The following PSIP1 variants were observed in gnomAD, a reference collection of about 807,000 sequenced individuals.
PSIP1 encodes PC4 and SRSF1 interacting protein 1.
In PSIP1, 19 loss-of-function variants were observed where a neutral mutation model predicts 74.7. That is an observed-to-expected ratio of 0.25 (90% CI 0.18 to 0.37). The LOEUF is 0.37. Among genes scored for constraint, PSIP1 ranks in the 10% least tolerant of loss-of-function variants. PSIP1 has a pLI of 1.00. For synonymous variants in PSIP1, 222 were observed against 195.3 expected (o/e 1.14, Z -1.14); for missense variants, 601 against 614.3 (o/e 0.98, Z 0.23).
chr9:15,465,563 C>G lies in PSIP1; in HGVS notation c.1550G>C (p.Arg517Thr). The change falls in exon 16 of 16, where the codon AGA becomes ACA. Residue 517 changes from arginine (R) to threonine (T), a missense_variant. Physicochemically the swap from Arg to Thr is moderately conservative, Grantham distance 71. This residue lies in a region of PSIP1 where 538 missense variants were observed against 507.6 expected (regional missense o/e 1.06). Coordinates refer to ENST00000380733, the MANE Select transcript of PSIP1 (RefSeq NM_033222.5). ...STKKKPSSEE[R>T]ETEISLKDST... ...ATCCTTCAGAGATATTTCAGTCTCT[C>G]TCTCTTCACTGGATGGCCTGAAGAA... 1 of 1,585,718 alleles carries G rather than the reference C, an allele frequency of 6.3e-7. No individual in the cohort carries two copies. The highest frequency in any genetic ancestry group is 8.6e-7 in the Non-Finnish European group (1 of 1,157,576).
intron 8 of PSIP1, among the ~76,000 whole-genome samples, chr9:15,478,053 C>T (rs529819549): frequency 1.8e-4 from 27 of 150,462 alleles, no homozygotes; most frequent in Non-Finnish European, 3.0e-4. Flanking sequence ...CTCCTTGAGC[C>T]CAGGAGTTTG....
At chr9:15,498,200 G>A (rs1344173356) in intron 3 of PSIP1, among the ~76,000 whole-genome samples, 2 of 152,154 alleles carry the variant, frequency 1.3e-5, no homozygotes, top group Non-Finnish European at 2.9e-5. Flanking sequence ...CGTGTCACCT[G>A]AGGTCAGGAG....
chr9:15,503,487 T>C (rs2037439813), intron 3 of PSIP1, among the ~76,000 whole-genome samples: 1 of 151,894 alleles, frequency 6.6e-6, no homozygotes, highest in African/African-American at 2.4e-5. Flanking sequence ...CAAGACCCCA[T>C]CTCTAAAAAA....
intron 12 of PSIP1, 79 bp downstream of exon 12, chr9:15,469,187 A>G (rs1395701270): frequency 2.3e-6 from 3 of 1,312,342 alleles, no homozygotes; most frequent in East Asian, 2.3e-5. Flanking sequence ...AAATTTACAT[A>G]CTCATAAGAT....
At position 15,501,608 on chromosome 9, in the gene PSIP1, G is replaced by A. The variant is rs372964336; in HGVS notation, c.149+4953C>T. On this transcript the variant is annotated intron_variant, in intron 3 of 15. Transcript: ENST00000380733. ...TGGAGAGGTAAGCATGGGCTAGTTC[G>A]TATAGGTTTTTATAAATATCATTTG... 2.4e-4 allele frequency among the ~76,000 whole-genome samples: 37 copies of A among 152,054 alleles called. No homozygotes were observed. The East Asian group carries it at 3.7e-3, about 15-fold the overall frequency.
chr9:15,476,376 T>G (rs2036078925), intron 8 of PSIP1, among the ~76,000 whole-genome samples: 1 of 152,044 alleles, frequency 6.6e-6, no homozygotes, highest in Non-Finnish European at 1.5e-5. Context: ...GCAGCAGAAA[T>G]AAGAAAATAT....
At chr9:15,484,416 T>A (rs1264129902) in intron 6 of PSIP1, among the ~76,000 whole-genome samples, 1 of 152,026 alleles carries the variant, frequency 6.6e-6, no homozygotes, top group African/African-American at 2.4e-5. Flanking sequence ...CTGGCCAACA[T>A]GGTGAGACCC....
At chr9:15,474,553 CAA>C (rs1052918125) in intron 8 of PSIP1, among the ~76,000 whole-genome samples, 6 of 152,114 alleles carry the variant, frequency 3.9e-5, no homozygotes, top group Non-Finnish European at 7.4e-5. Context: ...TTTTAGAACT[CAA>C]ATATTCTTTG....
At chr9:15,507,558 A>T (rs1469808657) in intron 2 of PSIP1, among the ~76,000 whole-genome samples, 1 of 152,150 alleles carries the variant, frequency 6.6e-6, no homozygotes. Flanking sequence ...GAATCACTTG[A>T]ACCTGGGCAA....
intron 3 of PSIP1, chr9:15,505,860 TCTC>T (rs1224801150): frequency 6.6e-6 from 1 of 152,214 alleles, no homozygotes; most frequent in East Asian, 1.9e-4. Flanking sequence ...TAGTTTTGTT[TCTC>T]CTCATCCCAG....
At chr9:15,472,460 G>C (rs2035880060) in intron 10 of PSIP1, 172 bp downstream of exon 10, 3 of 1,395,568 alleles carry the variant, frequency 2.1e-6, no homozygotes, top group Admixed American at 7.0e-5. Context: ...TCTCAGAAGA[G>C]AATGAAGCCT....
At position 15,476,854 on chromosome 9, in the gene PSIP1, GC is replaced by G. The variant is rs2036108378; in HGVS notation, c.629+1622del. Among the ~76,000 whole-genome samples, 6 of 152,268 alleles carry G rather than the reference GC, an allele frequency of 3.9e-5. No individual in the cohort carries two copies. In the East Asian group the frequency reaches 1.2e-3, roughly 29 times the overall value. On this transcript the variant is annotated intron_variant, in intron 8 of 15. Coordinates refer to ENST00000380733, the MANE Select transcript of PSIP1 (RefSeq NM_033222.5). ...ATAAGTTCCTAAAAAGGTACACTGG[GC>G]CCTCAGATCACTATGGTCCGAAAGT...
intron 3 of PSIP1, among the ~76,000 whole-genome samples, chr9:15,497,887 T>G (rs1208195183): frequency 1.3e-5 from 2 of 152,224 alleles, no homozygotes; most frequent in African/African-American, 4.8e-5. Flanking sequence ...CATATATAAC[T>G]ATGCAATTTC....
intron 1 of PSIP1, among the ~76,000 whole-genome samples, 176 bp from the exon 2 acceptor site, chr9:15,510,505 A>G (rs2037819143): frequency 6.6e-6 from 1 of 152,008 alleles, no homozygotes; most frequent in African/African-American, 2.4e-5. Context: ...CCGCCACCGA[A>G]GAGACGCCAC....
Position 15,464,836 on chromosome 9 carries a change from C to T in PSIP1, c.*684G>A, listed in dbSNP as rs41306098. The T allele has an allele frequency of 0.04, 8,435 of 208,328 alleles. 194 individuals are homozygous for T. Among genetic ancestry groups the T allele is most frequent in the South Asian group, 0.067 (357 of 5,298 alleles). 12.9% of individuals were successfully genotyped at this position (208,328 alleles called of 1,614,324 possible). ...AGAAGTCCTAAGACTTCACTGAATGCCCAGCCACAAAACTAAATTACCTTC... is the reference window on the plus strand; with the variant it reads ...AGAAGTCCTAAGACTTCACTGAATGTCCAGCCACAAAACTAAATTACCTTC... On this transcript the variant is annotated 3_prime_UTR_variant, in exon 16 of 16. Transcript: ENST00000380733.
chr9:15,489,716 A>G (rs370671977), intron 4 of PSIP1, among the ~76,000 whole-genome samples: 2 of 152,190 alleles, frequency 1.3e-5, no homozygotes, highest in East Asian at 3.9e-4. Context: ...CAGTACATAC[A>G]GCTTTATATT....
chr9:15,495,169 G>C (rs117222143), intron 3 of PSIP1, among the ~76,000 whole-genome samples: 1 of 152,036 alleles, frequency 6.6e-6, no homozygotes, highest in Admixed American at 6.5e-5. Context: ...GGAACTTCAG[G>C]AGTAGGAAAA....
intron 7 of PSIP1, among the ~76,000 whole-genome samples, chr9:15,479,140 A>T (rs956001292): frequency 1.5e-4 from 23 of 152,270 alleles, no homozygotes; most frequent in African/African-American, 5.3e-4. Flanking sequence ...CCAATTTGCC[A>T]AATTAAGAAA....
chr9:15,501,787 G>A (rs376750541), intron 3 of PSIP1, among the ~76,000 whole-genome samples: 79 of 147,878 alleles, frequency 5.3e-4, no homozygotes, highest in African/African-American at 1.9e-3. Context: ...ATCCTTCCTC[G>A]ACCCCTGCAG....
Sources: allele counts gnomAD v4.1 joint callset (sites outside exome capture counted in the v4.1 genomes callset), GRCh38; gene constraint gnomAD v4.1.1; regional missense constraint gnomAD v4.1.1; transcripts MANE v1.5; gene names NCBI Gene and HGNC (gene_info 2026-07-23, HGNC 2026-07-21).